MAGI2: variants seen among roughly 807,000 people sequenced by gnomAD.
MAGI2 encodes membrane-associated guanylate kinase, WW and PDZ domain-containing protein 2.
MAGI2 carries 35 observed loss-of-function variants against 133.3 expected under a neutral mutation model. The observed-to-expected ratio is 0.26, with a 90% CI of 0.20 to 0.35. MAGI2 has a LOEUF of 0.35. Ranked by LOEUF, MAGI2 falls within the 10% of genes least tolerant of loss-of-function variation. The pLI is 1.00. For missense variants in MAGI2, 1,636 were observed against 1,863.4 expected (o/e 0.88, Z 2.25); for synonymous variants, 729 against 710.6 (o/e 1.03, Z -0.41).
chr7:78,744,633 A>T (rs1045359177), intron 2 of MAGI2, among the ~76,000 whole-genome samples: 1 of 152,062 alleles, frequency 6.6e-6, no homozygotes, highest in African/African-American at 2.4e-5. Context: ...GAAGTGAAGG[A>T]AAAAAAATCT....
chr7:78,387,619 G>A (rs2035561691), intron 6 of MAGI2, among the ~76,000 whole-genome samples: 1 of 152,052 alleles, frequency 6.6e-6, no homozygotes, highest in Admixed American at 6.6e-5. Context: ...CAAACAAGAT[G>A]ATATTAATTA....
At chr7:79,056,228 C>CAA (rs57138651) in intron 1 of MAGI2, among the ~76,000 whole-genome samples, 4 of 149,246 alleles carry the variant, frequency 2.7e-5, no homozygotes, top group African/African-American at 9.8e-5. Flanking sequence ...CAAAAAACAA[C>CAA]AAAAAAAAAA....
At chr7:79,103,985 G>A (rs1461165565) in intron 1 of MAGI2, among the ~76,000 whole-genome samples, 1 of 152,198 alleles carries the variant, frequency 6.6e-6, no homozygotes, top group Non-Finnish European at 1.5e-5. Flanking sequence ...ACAGGCCTGA[G>A]CCACTGCACC....
intron 20 of MAGI2, among the ~76,000 whole-genome samples, chr7:78,082,269 T>C (rs545425118): frequency 6.6e-6 from 1 of 152,312 alleles, no homozygotes; most frequent in Non-Finnish European, 1.5e-5. Context: ...AAGGAACTTA[T>C]GAGACTTAAA....
chr7:78,566,165 A>G (rs930740330), intron 3 of MAGI2, among the ~76,000 whole-genome samples: 2 of 152,202 alleles, frequency 1.3e-5, no homozygotes, highest in Admixed American at 6.5e-5. Flanking sequence ...TATGCCTCAC[A>G]GAACCATGTG....
chr7:79,087,767 G>A (rs1011174277), intron 1 of MAGI2, among the ~76,000 whole-genome samples: 11 of 152,050 alleles, frequency 7.2e-5, no homozygotes, highest in East Asian at 3.9e-4. Context: ...TTTCCCCATT[G>A]CTTGTTTTTG....
At chr7:79,334,746 G>A (rs181570128) in intron 1 of MAGI2, among the ~76,000 whole-genome samples, 3 of 152,118 alleles carry the variant, frequency 2.0e-5, no homozygotes, top group Admixed American at 6.6e-5. Context: ...TGAAAACTAC[G>A]TGATGCTTCC....
chr7:79,175,628 G>A (rs900747713), intron 1 of MAGI2, among the ~76,000 whole-genome samples: 1 of 151,962 alleles, frequency 6.6e-6, no homozygotes. Flanking sequence ...TACATAGAGC[G>A]TACTTACATA....
At chr7:78,747,247 C>A (rs199901580) in intron 2 of MAGI2, among the ~76,000 whole-genome samples, 1 of 151,964 alleles carries the variant, frequency 6.6e-6, no homozygotes, top group African/African-American at 2.4e-5. Context: ...TTAAATAATG[C>A]GGTTTTATAT....
chr7:78,216,002 TA>T (rs1479642752), intron 10 of MAGI2, among the ~76,000 whole-genome samples: 2 of 152,084 alleles, frequency 1.3e-5, no homozygotes, highest in African/African-American at 4.8e-5. Flanking sequence ...CACTGATACA[TA>T]AAAAATGAAA....
chr7:78,256,425 C>A lies in MAGI2; in HGVS notation c.1565G>T (p.Ser522Ile), dbSNP rs1792984432. ...CATTATTGCAAGGGGTGGCACCATGCTGTTAGCAGGGTCTTCAGGATCAAA... is the reference window on the plus strand; with the variant it reads ...CATTATTGCAAGGGGTGGCACCATGATGTTAGCAGGGTCTTCAGGATCAAA... ...LPFDPEDPAN[S>I]MVPPLAIMER... is the part of the protein sequence containing the mutation. Residue 522 changes from serine to isoleucine, a missense_variant, in exon 10 of 22, where the codon AGC (serine) becomes ATC (isoleucine). By Grantham distance (142) the Ser-to-Ile change is moderately radical (BLOSUM62 -2). Coordinates refer to ENST00000354212, the MANE Select transcript of MAGI2 (RefSeq NM_012301.4). 1 of 1,613,890 alleles carries A rather than the reference C, an allele frequency of 6.2e-7. No individual in the cohort carries two copies. The highest frequency in any genetic ancestry group is 8.5e-7 in the Non-Finnish European group (1 of 1,179,952).
intron 10 of MAGI2, chr7:78,254,887 C>A (rs1349418886): frequency 1.3e-5 from 2 of 152,214 alleles, no homozygotes; most frequent in Non-Finnish European, 2.9e-5. Context: ...TGTTTACACT[C>A]GCCAGACATT....
intron 3 of MAGI2, among the ~76,000 whole-genome samples, chr7:78,608,260 C>G (rs1223977646): frequency 6.6e-6 from 1 of 151,910 alleles, no homozygotes; most frequent in Non-Finnish European, 1.5e-5. Flanking sequence ...CAAATCAATC[C>G]TCTTCACAAA....
At chr7:79,443,555 T>C (rs1417220523) in intron 1 of MAGI2, among the ~76,000 whole-genome samples, 1 of 152,186 alleles carries the variant, frequency 6.6e-6, no homozygotes, top group African/African-American at 2.4e-5. Flanking sequence ...TGTGGGTTTC[T>C]ATAGCACTTA....
At chr7:78,641,090 A>G (rs141636135) in intron 2 of MAGI2, among the ~76,000 whole-genome samples, 122 of 152,278 alleles carry the variant, frequency 8.0e-4, no homozygotes, top group African/African-American at 2.8e-3. Flanking sequence ...CCATGTGAAG[A>G]AGGACATGTT....
At chr7:78,508,068 T>C (rs1328221013) in intron 4 of MAGI2, among the ~76,000 whole-genome samples, 1 of 152,212 alleles carries the variant, frequency 6.6e-6, no homozygotes, top group Non-Finnish European at 1.5e-5. Flanking sequence ...GGCAACATAA[T>C]TGCAGTCTTC....
At chr7:78,799,831 C>A (rs1787915167) in intron 2 of MAGI2, among the ~76,000 whole-genome samples, 1 of 152,104 alleles carries the variant, frequency 6.6e-6, no homozygotes, top group African/African-American at 2.4e-5. Flanking sequence ...TTACCAGCTC[C>A]CTGTGGGATC....
In MAGI2 at chr7:78,100,962, A is replaced by G. The variant is rs554440229; in HGVS notation, c.3568-21877T>C. On this transcript the variant is annotated intron_variant, in intron 20 of 21. Transcript: ENST00000354212. ...AAATTCCATTTACAATAGCATCAAA[A>G]AGATTAAAATACTTAGAAAAAAAAA... Among the ~76,000 whole-genome samples the G allele has an allele frequency of 1.5e-3, 219 of 142,824 alleles. 1 individual carries two copies. Among genetic ancestry groups the G allele is most frequent in the African/African-American group, 5.9e-3 (210 of 35,358 alleles). 93.7% of individuals were successfully genotyped at this position (142,824 alleles called of 152,430 possible).
intron 1 of MAGI2, among the ~76,000 whole-genome samples, chr7:79,214,882 T>C (rs963593583): frequency 6.9e-6 from 1 of 145,018 alleles, no homozygotes; most frequent in African/African-American, 2.5e-5. Flanking sequence ...AATTTCAAAA[T>C]TATAAAATTT....
Sources: gnomAD v4.1 joint callset for allele counts (sites outside exome capture counted in the v4.1 genomes callset) on GRCh38, gnomAD v4.1.1 for gene constraint, MANE v1.5 for transcripts, NCBI Gene and HGNC (gene_info 2026-07-23, HGNC 2026-07-21) for gene names.